Variants in CCDC39 observed in about 807,000 individuals in gnomAD.
CCDC39 encodes coiled-coil domain 39 molecular ruler complex subunit, also known as coiled-coil domain-containing protein 39.
A neutral mutation model predicts 121.0 loss-of-function variants in CCDC39; 113 were observed. The ratio of observed to expected loss-of-function variants is 0.93; its 90% CI spans 0.80 to 1.09. CCDC39 has a LOEUF of 1.09. Ranked by LOEUF, CCDC39 falls within the 50% of genes least tolerant of loss-of-function variation. CCDC39 has a pLI of 0.00. For synonymous variants in CCDC39, 349 were observed against 352.2 expected, an observed-to-expected ratio of 0.99 and a Z score of 0.10; for missense variants, 1,063 against 1,074.7, an observed-to-expected ratio of 0.99 and a Z score of 0.15.
chr3:180,670,078 A>C (rs1418863479), intron 1 of CCDC39, among the ~76,000 whole-genome samples: 2 of 152,134 alleles, frequency 1.3e-5, no homozygotes, highest in Non-Finnish European at 2.9e-5. Context: ...TTTTCTCCTC[A>C]TAACGGGGAC....
chr3:180,651,717 T>C (rs995470994), intron 8 of CCDC39, among the ~76,000 whole-genome samples, 184 bp from the exon 9 acceptor site: 1 of 152,128 alleles, frequency 6.6e-6, no homozygotes, highest in African/African-American at 2.4e-5. Context: ...GTGATGAAAA[T>C]ATGAGTAAAA....
At position 180,654,850 on chromosome 3, in the gene CCDC39, TTC is replaced by T; in HGVS notation, c.840_841del (p.Arg282AsnfsTer5). 2 of 1,609,870 alleles carry T rather than the reference TTC, an allele frequency of 1.2e-6. No individual in the cohort carries two copies. Among genetic ancestry groups the T allele is most frequent in the Non-Finnish European group, 1.7e-6 (2 of 1,178,278 alleles). The stretch of plus-strand genomic sequence containing the variant: ...TTTACGATCAGCCACAGAAATTCTT[TTC>T]TCAAACTCTGTGTTATTCCCAATCT... On this transcript the variant is annotated frameshift_variant, in exon 7 of 20. Coordinates refer to ENST00000476379, the MANE Select transcript of CCDC39 (RefSeq NM_181426.2). LOFTEE classifies it high-confidence loss of function.
intron 14 of CCDC39, among the ~76,000 whole-genome samples, chr3:180,621,557 T>C (rs558049927): frequency 6.6e-6 from 1 of 152,242 alleles, no homozygotes; most frequent in Non-Finnish European, 1.5e-5. Flanking sequence ...AAATGCCTAC[T>C]CATGTCCTTA....
intron 1 of CCDC39, among the ~76,000 whole-genome samples, chr3:180,677,168 T>TTATTTA (rs1553807757): frequency 5.7e-5 from 2 of 35,176 alleles, no homozygotes; most frequent in Non-Finnish European, 1.1e-4. Context: ...AATAATAATT[T>TTATTTA]TATATATATA....
intron 1 of CCDC39, among the ~76,000 whole-genome samples, chr3:180,672,837 A>G (rs896868683): frequency 2.6e-5 from 4 of 152,240 alleles, no homozygotes; most frequent in Non-Finnish European, 5.9e-5. Flanking sequence ...CCTTCTGGAA[A>G]GGATTTATCA....
intron 13 of CCDC39, among the ~76,000 whole-genome samples, chr3:180,637,685 C>A (rs1325597814): frequency 2.0e-5 from 3 of 152,258 alleles, no homozygotes; most frequent in South Asian, 4.1e-4. Context: ...ACCTAAACAC[C>A]CATCAATGAC....
intron 9 of CCDC39, among the ~76,000 whole-genome samples, chr3:180,650,498 G>A (rs1473119525): frequency 6.6e-6 from 1 of 152,148 alleles, no homozygotes; most frequent in Non-Finnish European, 1.5e-5. Flanking sequence ...ATGGATGATG[G>A]CAGGGACATA....
rs1717140367 is a variant in CCDC39, at chr3:180,614,404, C to G, written c.*517G>C. The G allele has an allele frequency of 6.6e-6, 1 of 151,866 alleles. No individual in the cohort carries two copies. Among genetic ancestry groups the G allele is most frequent in the African/African-American group, 2.4e-5 (1 of 41,254 alleles). The allele number at this position is 151,866 out of a possible 1,614,324, so 9.4% of individuals were successfully genotyped here. A position where few individuals can be genotyped will look rare whatever the true frequency, so the allele number is the denominator to read the frequency against. On this transcript the variant is annotated 3_prime_UTR_variant, in exon 20 of 20. Transcript: ENST00000476379. ...GGGGTGGGGTGGGTAGGGGTTGATG[C>G]TATTTTTTGGTTAAAAATTATAGCA...
rs781151701 is a variant in CCDC39, at chr3:180,660,605, G to C, written c.481C>G (p.Gln161Glu). The change falls in exon 4 of 20, where the codon CAG (glutamine) becomes GAG (glutamate). Residue 161 changes from glutamine to glutamate, a missense_variant. Transcript: ENST00000476379. ...AHKDSDALTL[Q>E]KYAQQDDNKI... is the part of the protein sequence containing the mutation. Reference sequence around the variant, plus strand: ...TTATCATCTTGTTGTGCATACTTCTGGAGAGTGAGAGCATCACTATCTTTA... The same window carrying C: ...TTATCATCTTGTTGTGCATACTTCTCGAGAGTGAGAGCATCACTATCTTTA... 33 of 1,599,550 alleles carry C rather than the reference G, an allele frequency of 2.1e-5. No individual in the cohort carries two copies. In the South Asian group the frequency reaches 3.5e-4, roughly 17 times the overall value.
At position 180,663,927 on chromosome 3, in the gene CCDC39, C is replaced by T. The variant is rs574690835; in HGVS notation, c.150G>A (p.Glu50=). The T allele has an allele frequency of 6.2e-7, 1 of 1,611,938 alleles. No homozygotes were observed. The highest frequency in any genetic ancestry group is 8.5e-7 in the Non-Finnish European group (1 of 1,178,726). Residue 50 remains glutamate (E), a synonymous_variant, in exon 2 of 20, where the codon GAG becomes GAA. Coordinates refer to ENST00000476379, the MANE Select transcript of CCDC39 (RefSeq NM_181426.2). ...AGTGAGAAGTCATAGAATTAATTCGCTCTTCATACTCACGTAACTCATCTT... is the reference window on the plus strand; with the variant it reads ...AGTGAGAAGTCATAGAATTAATTCGTTCTTCATACTCACGTAACTCATCTT... ...SLQDELREYE[E]RINSMTSHFK...
chr3:180,678,638 G>A (rs1712302341), intron 1 of CCDC39, among the ~76,000 whole-genome samples: 1 of 151,730 alleles, frequency 6.6e-6, no homozygotes, highest in African/African-American at 2.4e-5. Context: ...ACAGGTGTGA[G>A]CCACTGCGCC....
chr3:180,630,127 G>C (rs1276802770), intron 14 of CCDC39, among the ~76,000 whole-genome samples: 1 of 152,120 alleles, frequency 6.6e-6, no homozygotes, highest in Non-Finnish European at 1.5e-5. Flanking sequence ...GGTAGGATAT[G>C]GATGAAGGCA....
rs1346270869 is a variant in CCDC39, at chr3:180,615,075, G to A, written c.2672C>T (p.Ser891Leu). ...SPSHTSLSAR[S>L]SRSTSTSTSQ... ...AGTAGATGTACTTGTACTCCTAGATGACCTAGAAGAAAAACCAGAATTATA... is the reference window on the plus strand; with the variant it reads ...AGTAGATGTACTTGTACTCCTAGATAACCTAGAAGAAAAACCAGAATTATA... The change falls in exon 20 of 20, where the codon TCA becomes TTA. Residue 891 changes from serine to leucine, a missense_variant and splice_region_variant. By Grantham distance (145) the Ser-to-Leu change is moderately radical. Coordinates refer to ENST00000476379, the MANE Select transcript of CCDC39 (RefSeq NM_181426.2). 1 of 1,521,806 alleles carries A rather than the reference G, an allele frequency of 6.6e-7. No homozygotes were observed. Among genetic ancestry groups the A allele is most frequent in the Admixed American group, 2.5e-5 (1 of 40,566 alleles). 94.3% of individuals were successfully genotyped at this position (1,521,806 alleles called of 1,614,324 possible).
At position 180,624,173 on chromosome 3, in the gene CCDC39, A is replaced by C. The variant is rs145432061; in HGVS notation, c.1999-4203T>G. Among the ~76,000 whole-genome samples the C allele has an allele frequency of 1.5e-3, 233 of 152,252 alleles. 4 individuals are homozygous for C. The East Asian group carries it at 0.039, about 26-fold the overall frequency. ...AGTAATCCCTTTATCATTATATAAT[A>C]ACCTTCTTTGTCTTCTTTTACTGTT... is the stretch of plus-strand genomic sequence containing the variant. On this transcript the variant is annotated intron_variant, in intron 14 of 19. Transcript: ENST00000476379.
chr3:180,650,654 T>C (rs1056132178), intron 9 of CCDC39, among the ~76,000 whole-genome samples: 2 of 151,514 alleles, frequency 1.3e-5, no homozygotes, highest in African/African-American at 2.4e-5. Flanking sequence ...GTCAGGAGTT[T>C]GAGGCCAGCC....
intron 14 of CCDC39, among the ~76,000 whole-genome samples, chr3:180,627,712 G>T (rs1717596907): frequency 6.6e-6 from 1 of 152,096 alleles, no homozygotes; most frequent in South Asian, 2.1e-4. Flanking sequence ...GCCTTTAAGG[G>T]TTAGATATTA....
At position 180,651,408 on chromosome 3, in the gene CCDC39, T is replaced by G; in HGVS notation, c.1160A>C (p.Asp387Ala). 3 of 1,555,700 alleles carry G rather than the reference T, an allele frequency of 1.9e-6. No homozygotes were observed. In the South Asian group the frequency reaches 3.6e-5, roughly 19 times the overall value. Residue 387 changes from aspartate (D) to alanine (A), a missense_variant, in exon 9 of 20, where the codon GAT becomes GCT. Coordinates refer to ENST00000476379, the MANE Select transcript of CCDC39 (RefSeq NM_181426.2). ...LEDMLKEEEK[D>A]VKEVDVQLNL... ...ATTAAAACTAAACTTTACCTTCACATCTTTTTCCTCCTCCTTTAGCATATC... is the reference window on the plus strand; with the variant it reads ...ATTAAAACTAAACTTTACCTTCACAGCTTTTTCCTCCTCCTTTAGCATATC...
chr3:180,636,194 T>C (rs1717820921), intron 13 of CCDC39, among the ~76,000 whole-genome samples: 1 of 152,154 alleles, frequency 6.6e-6, no homozygotes, highest in African/African-American at 2.4e-5. Flanking sequence ...TGATTCTATA[T>C]CTAGAAAACC....
intron 13 of CCDC39, among the ~76,000 whole-genome samples, chr3:180,633,836 C>T (rs1324137008): frequency 1.3e-5 from 2 of 152,156 alleles, no homozygotes; most frequent in Non-Finnish European, 1.5e-5. Flanking sequence ...TCCCCTGACT[C>T]TTCACCAGGC....
Sources: gnomAD v4.1 joint callset for allele counts (sites outside exome capture counted in the v4.1 genomes callset) on GRCh38, gnomAD v4.1.1 for gene constraint, MANE v1.5 for transcripts, NCBI Gene and HGNC (gene_info 2026-07-23, HGNC 2026-07-21) for gene names.